PLEKHH2: variants seen among roughly 807,000 people sequenced by gnomAD.
PLEKHH2 encodes pleckstrin homology, MyTH4 and FERM domain containing H2, also known as pleckstrin homology domain-containing family H member 2.
In PLEKHH2, 129 loss-of-function variants were observed where a neutral mutation model predicts 187.9. That is an observed-to-expected ratio of 0.69 (90% CI 0.59 to 0.79). PLEKHH2 has a LOEUF of 0.79. Ranked by LOEUF, PLEKHH2 falls within the 30% of genes least tolerant of loss-of-function variation. PLEKHH2 has a pLI of 0.00. For missense variants in PLEKHH2, 2,076 were observed against 1,751.2 expected (o/e 1.19, Z -3.31); for synonymous variants, 686 against 605.6 (o/e 1.13, Z -1.95).
intron 2 of PLEKHH2, chr2:43,658,750 C>T (rs1040572531): frequency 2.0e-5 from 3 of 152,160 alleles, no homozygotes; most frequent in Admixed American, 6.6e-5. Context: ...AGATGCAGTG[C>T]GTCTTATGAC....
intron 19 of PLEKHH2, among the ~76,000 whole-genome samples, chr2:43,737,973 A>G (rs1418655678): frequency 6.6e-6 from 1 of 152,190 alleles, no homozygotes; most frequent in East Asian, 1.9e-4. Context: ...AAAAGACCCA[A>G]ATTGAATTTT....
rs150348923 is a variant in PLEKHH2 at position 43,720,685 on chromosome 2, C to A, written c.2477C>A (p.Ser826Tyr). The stretch of plus-strand genomic sequence containing the variant: ...TGGTTTCAGGTAAAACATGGATATT[C>A]CAAGAGAGTCTGGTGTACACTAATA... ...GLLTKVKHGYSKRVWCTLIGK... is the reference protein window; with the variant it reads ...GLLTKVKHGYYKRVWCTLIGK... Residue 826 changes from serine (S) to tyrosine (Y), a missense_variant, in exon 16 of 30, where the codon TCC (serine) becomes TAC (tyrosine). Ser to Tyr is a moderately radical substitution (Grantham distance 144). Transcript: ENST00000282406. The A allele has an allele frequency of 8.7e-6, 14 of 1,609,552 alleles. No individual in the cohort carries two copies. The African/African-American group carries it at 1.7e-4, about 20-fold the overall frequency.
rs1294626649 is a variant in PLEKHH2 at position 43,731,476 on chromosome 2, TA to T, written c.2831-13del. 6.7e-7 allele frequency: 1 copy of T among 1,494,710 alleles called. No homozygotes were observed. Among genetic ancestry groups the T allele is most frequent in the East Asian group, 2.3e-5 (1 of 44,210 alleles). The allele number at this position is 1,494,710 out of a possible 1,614,324, so 92.6% of individuals were successfully genotyped here. A position where few individuals can be genotyped will look rare whatever the true frequency, so the allele number is the denominator to read the frequency against. On this transcript the variant is annotated splice_polypyrimidine_tract_variant and intron_variant, in intron 18 of 29. Transcript: ENST00000282406. Reference sequence around the variant, plus strand: ...TTTATTCAGTTTTCTGTTCATATTTTATTCTGCATTTAGCCTCTCAGATATG... The same window carrying T: ...TTTATTCAGTTTTCTGTTCATATTTTTTCTGCATTTAGCCTCTCAGATATG...
intron 11 of PLEKHH2, 97 bp from the exon 12 acceptor site, chr2:43,709,893 A>G: frequency 8.1e-7 from 1 of 1,235,302 alleles, no homozygotes. Context: ...GAGGCTTATG[A>G]TTTAGGAATA....
intron 19 of PLEKHH2, among the ~76,000 whole-genome samples, chr2:43,734,982 G>A (rs1671220454): frequency 6.6e-6 from 1 of 152,014 alleles, no homozygotes; most frequent in South Asian, 2.1e-4. Context: ...GCTAACATGG[G>A]GAGGCTGGTC....
intron 2 of PLEKHH2, 64 bp downstream of exon 2, chr2:43,644,860 T>A: frequency 6.9e-7 from 1 of 1,451,322 alleles, no homozygotes; most frequent in Non-Finnish European, 9.3e-7. Flanking sequence ...TCATTTATAT[T>A]AAATAATCTC....
intron 2 of PLEKHH2, among the ~76,000 whole-genome samples, chr2:43,667,183 A>G (rs969553620): frequency 6.6e-6 from 1 of 151,870 alleles, no homozygotes; most frequent in East Asian, 1.9e-4. Context: ...TCATGTGGCT[A>G]TTTCTTCTAG....
intron 17 of PLEKHH2, among the ~76,000 whole-genome samples, chr2:43,729,292 C>G (rs1292124826): frequency 1.3e-5 from 2 of 152,122 alleles, no homozygotes; most frequent in African/African-American, 4.8e-5. Context: ...GTATGTATCA[C>G]TCTGGGAGCC....
In PLEKHH2 at chr2:43,675,456, G is replaced by A. The variant is rs770078345; in HGVS notation, c.124-3407G>A. 61 of 1,613,806 alleles carry A rather than the reference G, an allele frequency of 3.8e-5. No individual in the cohort carries two copies. In the African/African-American group the frequency reaches 6.7e-4, roughly 18 times the overall value. ...GTCCAAATGCCCTGAGCCGGTACAG[G>A]CCATACATCATTACTTCCATCTTTT... On this transcript the variant is annotated intron_variant, in intron 2 of 29. Coordinates refer to ENST00000282406, the MANE Select transcript of PLEKHH2 (RefSeq NM_172069.4).
rs190229284 is a variant in PLEKHH2, at chr2:43,648,772, G to T, written c.123+3976G>T. On this transcript the variant is annotated intron_variant, in intron 2 of 29. Coordinates refer to ENST00000282406, the MANE Select transcript of PLEKHH2 (RefSeq NM_172069.4). The stretch of plus-strand genomic sequence containing the variant: ...ATTTTGTATTTTGGGTAGAGACGGG[G>T]TTTCACCATGTTGGCCAGGCTGGTC... Among the ~76,000 whole-genome samples the T allele has an allele frequency of 7.4e-3, 1,123 of 151,382 alleles. 6 individuals are homozygous for T. Among genetic ancestry groups the T allele is most frequent in the Middle Eastern group, 0.014 (4 of 292 alleles).
Position 43,741,204 on chromosome 2 carries a change from A to G in PLEKHH2, c.3221+161A>G, listed in dbSNP as rs1006981867. 3.0e-5 allele frequency: 16 copies of G among 524,980 alleles called. No homozygotes were observed. In the Middle Eastern group the frequency reaches 1.4e-3, roughly 45 times the overall value. 32.5% of individuals were successfully genotyped at this position (524,980 alleles called of 1,614,324 possible). ...TTATCATTGATGTGGAGCTAGGAAAATATTTCCTTTGTTATGTTAAATCTC... is the reference window on the plus strand; with the variant it reads ...TTATCATTGATGTGGAGCTAGGAAAGTATTTCCTTTGTTATGTTAAATCTC... On this transcript the variant is annotated intron_variant, in intron 21 of 29. Transcript: ENST00000282406.
At position 43,729,720 on chromosome 2, in the gene PLEKHH2, A is replaced by C; in HGVS notation, c.2805A>C (p.Lys935Asn). Reference protein sequence around the residue: ...VGSEFEQLVCKLLNIDGEPSS... With the variant: ...VGSEFEQLVCNLLNIDGEPSS... The stretch of plus-strand genomic sequence containing the variant: ...CTGAATTTGAACAACTGGTTTGCAA[A>C]TTGCTAAATATAGACGGGGAGCCTT... The change falls in exon 18 of 30, where the codon AAA (lysine) becomes AAC (asparagine). Residue 935 changes from lysine to asparagine, a missense_variant. Physicochemically the swap from Lys to Asn is moderately conservative, Grantham distance 94 (BLOSUM62 0). Transcript: ENST00000282406. 4 of 1,605,370 alleles carry C rather than the reference A, an allele frequency of 2.5e-6. No individual in the cohort carries two copies. Among genetic ancestry groups the C allele is most frequent in the Non-Finnish European group, 2.5e-6 (3 of 1,176,566 alleles).
intron 2 of PLEKHH2, among the ~76,000 whole-genome samples, chr2:43,667,806 G>A (rs144000339): frequency 1.2e-3 from 183 of 152,184 alleles, no homozygotes; most frequent in African/African-American, 3.9e-3. Context: ...GGGAATTACT[G>A]CTAATAGGTA....
chr2:43,724,990 T>G (rs2104555542), intron 16 of PLEKHH2, among the ~76,000 whole-genome samples: 1 of 152,260 alleles, frequency 6.6e-6, no homozygotes. Context: ...TAGTAGATAG[T>G]GCAAAAGGAA....
intron 8 of PLEKHH2, among the ~76,000 whole-genome samples, chr2:43,703,118 A>G (rs569035796): frequency 6.6e-6 from 1 of 152,312 alleles, no homozygotes; most frequent in South Asian, 2.1e-4. Context: ...CGGAGAACTC[A>G]TGCCAGTTGC....
At chr2:43,659,231 C>A (rs977184406) in intron 2 of PLEKHH2, among the ~76,000 whole-genome samples, 10 of 151,250 alleles carry the variant, frequency 6.6e-5, no homozygotes, top group Admixed American at 6.6e-5. Context: ...GGGCTCAAGC[C>A]ATCTATCTGC....
intron 2 of PLEKHH2, among the ~76,000 whole-genome samples, chr2:43,671,879 C>G (rs568425403): frequency 6.6e-6 from 1 of 152,290 alleles, no homozygotes; most frequent in South Asian, 2.1e-4. Flanking sequence ...ATTTTTGCAT[C>G]TGTGTTCACA....
At chr2:43,720,790 T>C in intron 16 of PLEKHH2, 41 bp downstream of exon 16, 1 of 1,581,448 alleles carries the variant, frequency 6.3e-7, no homozygotes, top group Non-Finnish European at 8.6e-7. Flanking sequence ...AGTAACTTTT[T>C]GTGTGTTAGG....
Position 43,726,327 on chromosome 2 carries a change from C to G in PLEKHH2, c.2597C>G (p.Ser866Cys). 9 of 1,612,096 alleles carry G rather than the reference C, an allele frequency of 5.6e-6. No individual in the cohort carries two copies. The highest frequency in any genetic ancestry group is 7.6e-6 in the Non-Finnish European group (9 of 1,178,216). ...WEAKVEEVDR[S>C]CDSDEDYEAS... is the part of the protein sequence containing the mutation. ...GCTAAAGTGGAAGAGGTTGACAGAT[C>G]TTGTGATTCAGATGAAGATTATGAA... The change falls in exon 17 of 30, where the codon TCT (serine) becomes TGT (cysteine). Residue 866 changes from serine to cysteine, a missense_variant. Physicochemically the swap from Ser to Cys is moderately radical, Grantham distance 112. Coordinates refer to ENST00000282406, the MANE Select transcript of PLEKHH2 (RefSeq NM_172069.4).
Sources: gnomAD v4.1 joint callset for allele counts (sites outside exome capture counted in the v4.1 genomes callset) on GRCh38, gnomAD v4.1.1 for gene constraint, MANE v1.5 for transcripts, NCBI Gene and HGNC (gene_info 2026-07-23, HGNC 2026-07-21) for gene names.